ACTN3: variants seen among roughly 807,000 people sequenced by gnomAD.
ACTN3 encodes actinin alpha 3, also known as alpha-actinin-3.
A neutral mutation model predicts 119.6 loss-of-function variants in ACTN3; 91 were observed. The ratio of observed to expected loss-of-function variants is 0.76; its 90% CI spans 0.64 to 0.91. The LOEUF is 0.91. Ranked by LOEUF, ACTN3 falls within the 40% of genes least tolerant of loss-of-function variation. The pLI is 0.00. For missense variants in ACTN3, 1,221 were observed against 1,215.1 expected, an observed-to-expected ratio of 1.00 and a Z score of -0.07; for synonymous variants, 456 against 478.8, an observed-to-expected ratio of 0.95 and a Z score of 0.62.
At chr11:66,555,478 C>T (rs1857572971) in intron 7 of ACTN3, 111 bp downstream of exon 7, 2 of 1,036,038 alleles carry the variant, frequency 1.9e-6, no homozygotes, top group Non-Finnish European at 2.9e-6. Context: ...CCGACCACCC[C>T]CACCCCACTC....
intron 17 of ACTN3, 127 bp downstream of exon 17, chr11:66,561,764 G>A: frequency 1.6e-6 from 2 of 1,236,310 alleles, no homozygotes; most frequent in Non-Finnish European, 2.2e-6. Context: ...GGTCCCTTAA[G>A]ACCCAGCGAT....
Position 66,561,575 on chromosome 11 carries a change from G to C in ACTN3, c.2113G>C (p.Asp705His), listed in dbSNP as rs1162443851. ...YKTNIDRLEG[D>H]HQLLQESLVF... The stretch of plus-strand genomic sequence containing the variant: ...GACTAACATTGACCGGCTGGAGGGT[G>C]ACCACCAGCTGCTGCAGGAGAGCCT... Residue 705 changes from aspartate to histidine, a missense_variant, in exon 17 of 21, where the codon GAC (aspartate) becomes CAC (histidine). Asp to His is a moderately conservative substitution (Grantham distance 81). Around this residue, in one of 3 missense-constraint regions of ACTN3, gnomAD observed 934 missense variants for 899.9 expected, o/e 1.04. Transcript: ENST00000513398. 2.5e-6 allele frequency: 4 copies of C among 1,612,766 alleles called. No individual in the cohort carries two copies. The African/African-American group carries it at 5.3e-5, about 22-fold the overall frequency.
chr11:66,552,025 G>A (rs867164432), intron 3 of ACTN3, among the ~76,000 whole-genome samples: 7 of 150,164 alleles, frequency 4.7e-5, no homozygotes, highest in Admixed American at 1.3e-4. Context: ...GCAGTGAGCC[G>A]AGATCACACC....
rs893574641 is a variant in ACTN3, at chr11:66,560,426, C to T, written c.1677+115C>T. Reference sequence around the variant, plus strand: ...GGGATGGGAGGAAAACCCCAGTTCCCGAGTGCTGGGCTGGAAGACAGGAGG... The same window carrying T: ...GGGATGGGAGGAAAACCCCAGTTCCTGAGTGCTGGGCTGGAAGACAGGAGG... On this transcript the variant is annotated intron_variant, in intron 14 of 20. Coordinates refer to ENST00000513398, the MANE Select transcript of ACTN3 (RefSeq NM_001104.4). The T allele has an allele frequency of 2.3e-5, 34 of 1,483,384 alleles. No individual in the cohort carries two copies. The African/African-American group carries it at 3.1e-4, about 13-fold the overall frequency. 91.9% of individuals were successfully genotyped at this position (1,483,384 alleles called of 1,614,324 possible). A position where few individuals can be genotyped will look rare whatever the true frequency, so the allele number is the denominator to read the frequency against.
Position 66,561,960 on chromosome 11 carries a change from A to G in ACTN3, c.2176-62A>G, listed in dbSNP as rs537592506. The G allele has an allele frequency of 2.3e-5, 35 of 1,544,758 alleles. No homozygotes were observed. The African/African-American group carries it at 4.5e-4, about 20-fold the overall frequency. ...GGGTCATTCAGTGAACTGGATGTGG[A>G]GCTAGAGCCAGTGGCCAGGCACTGG... On this transcript the variant is annotated intron_variant, in intron 17 of 20. Coordinates refer to ENST00000513398, the MANE Select transcript of ACTN3 (RefSeq NM_001104.4).
In ACTN3 at chr11:66,560,680, G is replaced by C. The variant is rs371097266; in HGVS notation, c.1785G>C (p.Thr595=). The C allele has an allele frequency of 3.3e-5, 54 of 1,613,814 alleles. No homozygotes were observed. The Middle Eastern group carries it at 8.2e-4, about 25-fold the overall frequency. The part of the protein sequence containing the change: ...IQGEIQKICQ[T]YGLRPCSTNP... ...GTGAGATCCAGAAGATCTGCCAGACGTATGGGCTGCGGCCCTGCTCCACCA... is the reference window on the plus strand; with the variant it reads ...GTGAGATCCAGAAGATCTGCCAGACCTATGGGCTGCGGCCCTGCTCCACCA... The change falls in exon 15 of 21, where the codon ACG becomes ACC. Residue 595 remains threonine, a synonymous_variant. Transcript: ENST00000513398.
intron 15 of ACTN3, 32 bp downstream of exon 15, chr11:66,560,787 C>G (rs747231690): frequency 1.3e-6 from 2 of 1,581,204 alleles, no homozygotes; most frequent in Non-Finnish European, 1.7e-6. Flanking sequence ...CCTCCCACCC[C>G]CTCCTGCATA....
intron 3 of ACTN3, among the ~76,000 whole-genome samples, chr11:66,552,162 G>A (rs148147816): frequency 1.0e-3 from 152 of 151,634 alleles, no homozygotes; most frequent in African/African-American, 3.4e-3. Flanking sequence ...TGGGGCTCAC[G>A]AGGTCAGGAG....
intron 15 of ACTN3, 49 bp downstream of exon 15, chr11:66,560,804 C>T: frequency 6.4e-7 from 1 of 1,552,834 alleles, no homozygotes. Flanking sequence ...CATACTGTGA[C>T]CACCCTGAAA....
Position 66,551,615 on chromosome 11 carries a change from A to AG in ACTN3, c.355dup (p.Val119GlyfsTer2), listed in dbSNP as rs1466923268. 4 of 1,613,834 alleles carry AG rather than the reference A, an allele frequency of 2.5e-6. No homozygotes were observed. Among genetic ancestry groups the AG allele is most frequent in the Non-Finnish European group, 3.4e-6 (4 of 1,180,050 alleles). On this transcript the variant is annotated frameshift_variant, in exon 3 of 21. Coordinates refer to ENST00000513398, the MANE Select transcript of ACTN3 (RefSeq NM_001104.4). LOFTEE classifies it high-confidence loss of function. Reference sequence around the variant, plus strand: ...AAGGCCCTGGACTTCATTGCCAGCAAGGGGGTTAAACTGGTGTCCATTGGT... The same window carrying AG: ...AAGGCCCTGGACTTCATTGCCAGCAAGGGGGGTTAAACTGGTGTCCATTGGT...
Position 66,563,252 on chromosome 11 carries a change from C to A in ACTN3, c.*59C>A. 6.6e-7 allele frequency: 1 copy of A among 1,520,720 alleles called. No individual in the cohort carries two copies. The highest frequency in any genetic ancestry group is 8.8e-7 in the Non-Finnish European group (1 of 1,132,272). The allele number at this position is 1,520,720 out of a possible 1,614,324, so 94.2% of individuals were successfully genotyped here. A position where few individuals can be genotyped will look rare whatever the true frequency, so the allele number is the denominator to read the frequency against. Reference sequence around the variant, plus strand: ...GAGAGGATGCACCCTGTGGCTGATCCCATCCGTCCCTCGGAGCAAGGGCCT... The same window carrying A: ...GAGAGGATGCACCCTGTGGCTGATCACATCCGTCCCTCGGAGCAAGGGCCT... On this transcript the variant is annotated 3_prime_UTR_variant, in exon 21 of 21. Coordinates refer to ENST00000513398, the MANE Select transcript of ACTN3 (RefSeq NM_001104.4).
At position 66,559,275 on chromosome 11, in the gene ACTN3, C is replaced by T; in HGVS notation, c.1316C>T (p.Ala439Val). ...EMLSQRDYDS[A>V]LLQEVRALLR... ...CTGAGCCAGCGCGACTACGATTCGG[C>T]TTTGCTACAGGAGGTGCGGGCGTTG... Residue 439 changes from alanine (A) to valine (V), a missense_variant, in exon 12 of 21, where the codon GCT (alanine) becomes GTT (valine). Coordinates refer to ENST00000513398, the MANE Select transcript of ACTN3 (RefSeq NM_001104.4). 6.4e-7 allele frequency: 1 copy of T among 1,569,294 alleles called. No homozygotes were observed. Among genetic ancestry groups the T allele is most frequent in the Non-Finnish European group, 8.6e-7 (1 of 1,159,960 alleles).
intron 11 of ACTN3, among the ~76,000 whole-genome samples, chr11:66,558,513 G>A (rs547171634): frequency 4.6e-5 from 7 of 152,230 alleles, no homozygotes; most frequent in African/African-American, 7.2e-5. Flanking sequence ...GACCACAGGC[G>A]TGCACCACCA....
rs760434035 is a variant in ACTN3, at chr11:66,561,315, C to T, written c.1949C>T (p.Ala650Val). 59 of 1,610,472 alleles carry T rather than the reference C, an allele frequency of 3.7e-5. No individual in the cohort carries two copies. Among genetic ancestry groups the T allele is most frequent in the South Asian group, 5.5e-5 (5 of 90,400 alleles). Residue 650 changes from alanine (A) to valine (V), a missense_variant, in exon 16 of 21, where the codon GCG (alanine) becomes GTG (valine). Ala to Val is a moderately conservative substitution (Grantham distance 64). Coordinates refer to ENST00000513398, the MANE Select transcript of ACTN3 (RefSeq NM_001104.4). ...AACGAGAGGCTCCGGCGACAGTTTG[C>T]GGCCCAGGCCAATGCCATTGGACCC... ...QVNERLRRQF[A>V]AQANAIGPWI...
intron 5 of ACTN3, 76 bp downstream of exon 5, chr11:66,554,699 TGAAGG>T: frequency 1.2e-5 from 14 of 1,197,230 alleles, no homozygotes; most frequent in Non-Finnish European, 1.7e-5. Context: ...CCCTGGTCAG[TGAAGG>T]GCACTGAGCT....
intron 19 of ACTN3, 44 bp downstream of exon 19, chr11:66,562,366 C>T (rs1857801024): frequency 6.3e-7 from 1 of 1,591,900 alleles, no homozygotes; most frequent in South Asian, 1.1e-5. Context: ...AAAGTACCCC[C>T]TCCTCTGTGC....
chr11:66,551,289 CGA>C lies in ACTN3; in HGVS notation c.201_202del (p.Asn68HisfsTer21). On this transcript the variant is annotated frameshift_variant, in exon 2 of 21. Coordinates refer to ENST00000513398, the MANE Select transcript of ACTN3 (RefSeq NM_001104.4). LOFTEE classifies it high-confidence loss of function. ...ACCTGCGCAAGGCAGGCACCCAGAT[CGA>C]GAACATCGAGGAAGATTTCCGCAAT... ...SHLRKAGTQI[E>X]NIEEDFRNGL... is the part of the protein sequence containing the mutation. 1 of 1,612,560 alleles carries C rather than the reference CGA, an allele frequency of 6.2e-7. No homozygotes were observed. The highest frequency in any genetic ancestry group is 2.2e-5 in the East Asian group (1 of 44,846).
chr11:66,557,994 C>T (rs1565307228), intron 10 of ACTN3, 33 bp from the exon 11 acceptor site: 2 of 1,613,486 alleles, frequency 1.2e-6, no homozygotes, highest in Non-Finnish European at 1.7e-6. Flanking sequence ...AATGGGCAAA[C>T]CGTGATGGAG....
chr11:66,550,928 T>C, intron 1 of ACTN3: 1 of 448,022 alleles, frequency 2.2e-6, no homozygotes, highest in South Asian at 1.9e-5. Context: ...ACATTTTGAA[T>C]GTGTTAACAT....
Sources: gnomAD v4.1 joint callset for allele counts (sites outside exome capture counted in the v4.1 genomes callset) on GRCh38, gnomAD v4.1.1 for gene constraint, gnomAD v4.1.1 regional missense constraint, MANE v1.5 for transcripts, NCBI Gene and HGNC (gene_info 2026-07-23, HGNC 2026-07-21) for gene names.